Variants in PPP1R12B observed in about 807,000 individuals in gnomAD.
PPP1R12B encodes the protein myosin phosphatase target subunit 2.
PPP1R12B carries 76 observed loss-of-function variants against 126.1 expected under a neutral mutation model. The ratio of observed to expected loss-of-function variants is 0.60; its 90% confidence interval spans 0.50 to 0.73. The LOEUF is 0.73. PPP1R12B is among the 30% of genes least tolerant of loss of function. The pLI is 0.00. For synonymous variants in PPP1R12B, 356 were observed against 434.7 expected (o/e 0.82, Z 2.25); for missense variants, 1,052 against 1,205.1 (o/e 0.87, Z 1.88).
intron 1 of PPP1R12B, among the ~76,000 whole-genome samples, chr1:202,399,533 G>T (rs1665506904): frequency 6.8e-6 from 1 of 147,672 alleles, no homozygotes; most frequent in Admixed American, 6.8e-5. Flanking sequence ...GTCTTGCTCT[G>T]TCGCCCAGGC....
Position 202,416,788 on chromosome 1 carries a change from C to T in PPP1R12B, c.293C>T (p.Ala98Val). Residue 98 changes from alanine to valine, a missense_variant and splice_region_variant, in exon 2 of 24, where the codon GCA becomes GTA. By Grantham distance (64) the Ala-to-Val change is moderately conservative (BLOSUM62 0). Transcript: ENST00000608999. ...GAATGAATGGACTTTTCTTTTCAGGCATGTATTGATGAAAATTTGGACATG... is the reference window on the plus strand; with the variant it reads ...GAATGAATGGACTTTTCTTTTCAGGTATGTATTGATGAAAATTTGGACATG... ...NVDGLTALHQ[A>V]CIDENLDMVK... The T allele has an allele frequency of 6.2e-7, 1 of 1,613,322 alleles. No homozygotes were observed. Among genetic ancestry groups the T allele is most frequent in the Non-Finnish European group, 8.5e-7 (1 of 1,179,582 alleles).
intron 13 of PPP1R12B, among the ~76,000 whole-genome samples, chr1:202,468,560 G>T (rs1267694848): frequency 6.6e-6 from 1 of 152,070 alleles, no homozygotes; most frequent in Admixed American, 6.5e-5. Context: ...CTATCTCTTT[G>T]TGGCAATTTT....
chr1:202,543,768 T>C (rs1331616210), intron 18 of PPP1R12B, among the ~76,000 whole-genome samples: 1 of 152,090 alleles, frequency 6.6e-6, no homozygotes, highest in East Asian at 1.9e-4. Context: ...CACATCCCTC[T>C]TCCTCACTAG....
intron 1 of PPP1R12B, among the ~76,000 whole-genome samples, chr1:202,360,293 A>C (rs1184761228): frequency 6.6e-6 from 1 of 152,208 alleles, no homozygotes; most frequent in Non-Finnish European, 1.5e-5. Flanking sequence ...AAAATTTTGA[A>C]GTTTCAAGCC....
At chr1:202,506,530 C>G (rs188289942) in intron 18 of PPP1R12B, among the ~76,000 whole-genome samples, 154 of 152,304 alleles carry the variant, frequency 1.0e-3, no homozygotes, top group African/African-American at 3.5e-3. Flanking sequence ...ATAAATTGAT[C>G]TTTGAGGTAT....
chr1:202,364,650 C>G (rs1225059176), intron 1 of PPP1R12B, among the ~76,000 whole-genome samples: 1 of 152,054 alleles, frequency 6.6e-6, no homozygotes, highest in Admixed American at 6.6e-5. Context: ...GATCTCGGCT[C>G]ACTGCAAGCT....
At chr1:202,576,876 G>A (rs954173600) in intron 23 of PPP1R12B, 7 of 150,756 alleles carry the variant, frequency 4.6e-5, no homozygotes, top group African/African-American at 1.5e-4. Flanking sequence ...AGGTCACTCC[G>A]AGAGTAAGTG....
At chr1:202,470,079 C>A (rs183468449) in intron 13 of PPP1R12B, among the ~76,000 whole-genome samples, 2 of 152,322 alleles carry the variant, frequency 1.3e-5, no homozygotes, top group Non-Finnish European at 2.9e-5. Flanking sequence ...GAGCTGGAGA[C>A]CGATTTCTAG....
At chr1:202,452,197 G>A (rs1188392769) in intron 13 of PPP1R12B, among the ~76,000 whole-genome samples, 1 of 152,190 alleles carries the variant, frequency 6.6e-6, no homozygotes, top group Non-Finnish European at 1.5e-5. Flanking sequence ...GCCAAGGCAG[G>A]CAGCTGGGAG....
At chr1:202,399,234 T>C (rs1665442015) in intron 1 of PPP1R12B, among the ~76,000 whole-genome samples, 1 of 152,174 alleles carries the variant, frequency 6.6e-6, no homozygotes, top group African/African-American at 2.4e-5. Context: ...GAGATTTCTT[T>C]CTTTTGACAG....
At chr1:202,477,009 C>A (rs1676761451) in intron 13 of PPP1R12B, among the ~76,000 whole-genome samples, 1 of 151,920 alleles carries the variant, frequency 6.6e-6, no homozygotes, top group Admixed American at 6.6e-5. Flanking sequence ...GAGAATATTT[C>A]AAGGGAATTA....
intron 18 of PPP1R12B, among the ~76,000 whole-genome samples, chr1:202,531,907 C>T (rs536261640): frequency 4.6e-5 from 7 of 152,034 alleles, no homozygotes; most frequent in Non-Finnish European, 7.4e-5. Context: ...TTAGATCTCA[C>T]GCAAGAAAGA....
Position 202,540,231 on chromosome 1 carries a change from A to T in PPP1R12B, c.2491-18646A>T, listed in dbSNP as rs764661817. 6 of 1,600,234 alleles carry T rather than the reference A, an allele frequency of 3.7e-6. No individual in the cohort carries two copies. In the South Asian group the frequency reaches 6.6e-5, roughly 18 times the overall value. On this transcript the variant is annotated intron_variant, in intron 18 of 23. Coordinates refer to ENST00000608999, the MANE Select transcript of PPP1R12B (RefSeq NM_002481.4). The stretch of plus-strand genomic sequence containing the variant: ...CCAGCATCTCCCTCCCCGACTGCCA[A>T]GACGCTCCGAGTAAGCAGCATTTTT...
chr1:202,564,449 G>T lies in PPP1R12B; in HGVS notation c.2659G>T (p.Glu887Ter). The change falls in exon 21 of 24, where the codon GAG (glutamate) becomes TAG (stop). Residue 887 changes from glutamate to a stop codon, truncating the protein, a stop_gained. Coordinates refer to ENST00000608999, the MANE Select transcript of PPP1R12B (RefSeq NM_002481.4). LOFTEE classifies it high-confidence loss of function. ...DSNRDYKKLYESALTENQKLK... is the reference protein window; with the variant it reads ...DSNRDYKKLY ...TTTTTTCCCTCTCCTCTAGCTCTAT[G>T]AGAGTGCTCTGACTGAAAACCAAAA... 6.2e-7 allele frequency: 1 copy of T among 1,607,812 alleles called. No individual in the cohort carries two copies. The highest frequency in any genetic ancestry group is 1.1e-5 in the South Asian group (1 of 90,888).
intron 18 of PPP1R12B, among the ~76,000 whole-genome samples, chr1:202,543,669 G>A (rs754256582): frequency 2.0e-5 from 3 of 152,252 alleles, no homozygotes; most frequent in Non-Finnish European, 2.9e-5. Flanking sequence ...CCCGGAAGGC[G>A]GGGGTTGCAG....
At chr1:202,435,441 GT>G in intron 9 of PPP1R12B, among the ~76,000 whole-genome samples, 1 of 152,306 alleles carries the variant, frequency 6.6e-6, no homozygotes, top group African/African-American at 2.4e-5. Flanking sequence ...AGCATTCATT[GT>G]TTTGGTGATT....
intron 18 of PPP1R12B, among the ~76,000 whole-genome samples, chr1:202,555,325 GAAAAAAAAAAAAAAA>G (rs56752885): frequency 1.6e-4 from 4 of 25,354 alleles, no homozygotes; most frequent in South Asian, 2.8e-3. Context: ...CTGTTTTAAT[GAAAAAAAAAAAAAAA>G]AAAAAAAAAA....
chr1:202,474,986 T>C (rs1374001946), intron 13 of PPP1R12B, among the ~76,000 whole-genome samples: 1 of 152,214 alleles, frequency 6.6e-6, no homozygotes, highest in Non-Finnish European at 1.5e-5. Context: ...AGAATCAGTA[T>C]AAATTTGGAT....
chr1:202,575,870 G>A (rs1203784194), intron 23 of PPP1R12B: 4 of 152,176 alleles, frequency 2.6e-5, no homozygotes, highest in African/African-American at 9.7e-5. Flanking sequence ...CATTACCGAT[G>A]GAGAGGACTA....
Sources: gnomAD v4.1 joint callset for allele counts (sites outside exome capture counted in the v4.1 genomes callset) on GRCh38, gnomAD v4.1.1 for gene constraint, MANE v1.5 for transcripts, NCBI Gene and HGNC (gene_info 2026-07-23, HGNC 2026-07-21) for gene names.